NEK11: variants seen among roughly 807,000 people sequenced by gnomAD.
NEK11 encodes the protein serine/threonine-protein kinase Nek11.
In NEK11, 72 loss-of-function variants were observed where a neutral mutation model predicts 80.7. The ratio of observed to expected loss-of-function variants is 0.89; its 90% CI spans 0.74 to 1.08. The LOEUF is 1.08. NEK11 is among the 50% of genes least tolerant of loss of function. The pLI, the probability that NEK11 is intolerant of heterozygous loss-of-function variation, is 0.00. For missense variants in NEK11, 764 were observed against 763.6 expected (o/e 1.00, Z -0.01); for synonymous variants, 251 against 260.7 (o/e 0.96, Z 0.36).
chr3:131,348,921 C>A (rs564652105), intron 17 of NEK11, among the ~76,000 whole-genome samples: 38 of 152,088 alleles, frequency 2.5e-4, no homozygotes, highest in Admixed American at 7.9e-4. Flanking sequence ...AAGTGGCAAA[C>A]AAAACTATTC....
At chr3:131,306,358 G>T (rs1025525050) in intron 17 of NEK11, among the ~76,000 whole-genome samples, 2 of 152,060 alleles carry the variant, frequency 1.3e-5, no homozygotes, top group Non-Finnish European at 2.9e-5. Context: ...GTAAGTGTAG[G>T]GGGAGGAGAA....
intron 14 of NEK11, among the ~76,000 whole-genome samples, chr3:131,190,128 C>T (rs2093737312): frequency 6.6e-6 from 1 of 152,130 alleles, no homozygotes; most frequent in Admixed American, 6.6e-5. Flanking sequence ...TTTTGGGAAA[C>T]TTGAGCTAGA....
intron 5 of NEK11, among the ~76,000 whole-genome samples, chr3:131,127,305 T>G (rs2083541133): frequency 6.6e-6 from 1 of 152,056 alleles, no homozygotes; most frequent in Non-Finnish European, 1.5e-5. Context: ...TGCACCTCAG[T>G]TGAAATACTT....
Position 131,226,598 on chromosome 3 carries a change from G to T in NEK11, c.1400-1930G>T, listed in dbSNP as rs574317328. 1.6e-4 allele frequency among the ~76,000 whole-genome samples: 24 copies of T among 152,262 alleles called. No homozygotes were observed. In the East Asian group the frequency reaches 4.6e-3, roughly 29 times the overall value. On this transcript the variant is annotated intron_variant, in intron 14 of 17. Transcript: ENST00000383366. ...AGGAATGGAAAACCAAATACCATAT[G>T]TTCTCACTTATAAGTGGGAGCTAAG...
chr3:131,341,039 C>T (rs1329537174), intron 17 of NEK11, among the ~76,000 whole-genome samples: 1 of 152,150 alleles, frequency 6.6e-6, no homozygotes, highest in East Asian at 1.9e-4. Flanking sequence ...CATAGGAACT[C>T]TTTTAATTTG....
At chr3:131,296,280 A>T (rs1003626931) in intron 17 of NEK11, among the ~76,000 whole-genome samples, 1 of 152,192 alleles carries the variant, frequency 6.6e-6, no homozygotes, top group African/African-American at 2.4e-5. Context: ...ATAAGAAAAT[A>T]TATGTACACA....
chr3:131,080,038 T>TG (rs1491089317), intron 3 of NEK11, among the ~76,000 whole-genome samples: 101 of 99,824 alleles, frequency 1.0e-3, no homozygotes, highest in Middle Eastern at 4.5e-3. Flanking sequence ...TGTGTGTGTG[T>TG]TTGTGTGTGT....
chr3:131,171,187 C>CA (rs2092670492), intron 14 of NEK11, among the ~76,000 whole-genome samples: 1 of 152,082 alleles, frequency 6.6e-6, no homozygotes. Flanking sequence ...GTGCAAACTC[C>CA]GAATACTCTG....
At chr3:131,247,891 C>T (rs2095631505) in intron 16 of NEK11, among the ~76,000 whole-genome samples, 1 of 142,484 alleles carries the variant, frequency 7.0e-6, no homozygotes, top group Non-Finnish European at 1.5e-5. Flanking sequence ...TGATTTGGTT[C>T]TTAATGTGAT....
chr3:131,324,254 G>A (rs2096931814), intron 17 of NEK11, among the ~76,000 whole-genome samples: 1 of 151,856 alleles, frequency 6.6e-6, no homozygotes, highest in East Asian at 1.9e-4. Flanking sequence ...GCCAGGACCA[G>A]GCCTAGTCAA....
chr3:131,336,604 C>T (rs1166475558), intron 17 of NEK11, among the ~76,000 whole-genome samples: 2 of 152,044 alleles, frequency 1.3e-5, no homozygotes, highest in African/African-American at 4.8e-5. Context: ...CAACAAAAGC[C>T]AAAATTGACA....
chr3:131,342,860 C>A (rs1157748820), intron 17 of NEK11, among the ~76,000 whole-genome samples: 1 of 152,048 alleles, frequency 6.6e-6, no homozygotes, highest in East Asian at 1.9e-4. Flanking sequence ...ATACTTCAGG[C>A]TGGCCAATTT....
At chr3:131,277,255 T>G (rs922692501) in intron 17 of NEK11, among the ~76,000 whole-genome samples, 1 of 152,238 alleles carries the variant, frequency 6.6e-6, no homozygotes, top group African/African-American at 2.4e-5. Flanking sequence ...CCACCTGTTC[T>G]CACATGTTAC....
intron 7 of NEK11, among the ~76,000 whole-genome samples, chr3:131,143,626 C>T (rs2087464023): frequency 6.6e-6 from 1 of 152,004 alleles, no homozygotes; most frequent in Non-Finnish European, 1.5e-5. Flanking sequence ...TTTAACAAAA[C>T]CCCTAAGTGA....
intron 4 of NEK11, among the ~76,000 whole-genome samples, chr3:131,101,727 A>C (rs2078393614): frequency 6.6e-6 from 1 of 152,064 alleles, no homozygotes; most frequent in Non-Finnish European, 1.5e-5. Context: ...GTGTTCTATA[A>C]ATGTTTATTA....
intron 14 of NEK11, among the ~76,000 whole-genome samples, chr3:131,176,149 C>A (rs2093002838): frequency 6.6e-6 from 1 of 152,084 alleles, no homozygotes; most frequent in African/African-American, 2.4e-5. Context: ...GAGAGCCCTA[C>A]CAGCAGATCT....
At chr3:131,298,145 G>C (rs1190508866) in intron 17 of NEK11, among the ~76,000 whole-genome samples, 1 of 151,634 alleles carries the variant, frequency 6.6e-6, no homozygotes, top group South Asian at 2.1e-4. Flanking sequence ...TTGGTGATGC[G>C]GGCTCTTTTT....
intron 3 of NEK11, among the ~76,000 whole-genome samples, chr3:131,064,190 G>A (rs1310319468): frequency 6.6e-6 from 1 of 152,090 alleles, no homozygotes; most frequent in Non-Finnish European, 1.5e-5. Flanking sequence ...AGTGATTGCT[G>A]ATGGATAAGG....
intron 16 of NEK11, among the ~76,000 whole-genome samples, chr3:131,245,802 TTTTTTTG>T (rs1022346952): frequency 1.3e-5 from 2 of 151,966 alleles, no homozygotes; most frequent in African/African-American, 4.8e-5. Flanking sequence ...TTAGTTGGGG[TTTTTTTG>T]TTTTTTGTTT....
Sources: gnomAD v4.1 joint callset for allele counts (sites outside exome capture counted in the v4.1 genomes callset) on GRCh38, gnomAD v4.1.1 for gene constraint, MANE v1.5 for transcripts, NCBI Gene and HGNC (gene_info 2026-07-23, HGNC 2026-07-21) for gene names.